The following SLCO5A1 variants were observed in gnomAD, a reference collection of about 807,000 sequenced individuals.
SLCO5A1 encodes the protein solute carrier organic anion transporter family member 5A1, also known as organic anion transporter polypeptide-related protein 4.
A neutral mutation model predicts 65.1 loss-of-function variants in SLCO5A1; 39 were observed. That is an observed-to-expected ratio of 0.60 (90% CI 0.46 to 0.78). SLCO5A1 has a LOEUF of 0.78. Among genes scored for constraint, SLCO5A1 ranks in the 30% least tolerant of loss-of-function variants. The probability of loss-of-function intolerance (pLI) is 0.00; values close to 1 mark genes in which losing one functional copy is unlikely to be tolerated. For synonymous variants in SLCO5A1, 438 were observed against 415.7 expected (o/e 1.05, Z -0.65); for missense variants, 1,029 against 1,069.4 (o/e 0.96, Z 0.53).
At chr8:69,762,024 C>G in intron 2 of SLCO5A1, 149 bp from the exon 3 acceptor site, 1 of 933,880 alleles carries the variant, frequency 1.1e-6, no homozygotes, top group Non-Finnish European at 1.6e-6. Context: ...GTGTCCATGT[C>G]TACATCTTGG....
chr8:69,801,304 C>T (rs1208209984), intron 2 of SLCO5A1, among the ~76,000 whole-genome samples: 2 of 152,206 alleles, frequency 1.3e-5, no homozygotes, highest in African/African-American at 2.4e-5. Context: ...TTGGATCCCT[C>T]CTATAGATAA....
rs575658148 is a variant in SLCO5A1, at chr8:69,800,796, C to T, written c.907+30971G>A. ...AGAACCCAGGCTGATGGCACCAGAA[C>T]GTTGCCACCCCTTTGACAGAGGAAA... On this transcript the variant is annotated intron_variant, in intron 2 of 9. Transcript: ENST00000260126. Among the ~76,000 whole-genome samples the T allele has an allele frequency of 3.8e-4, 58 of 152,316 alleles. 1 individual carries two copies. In the South Asian group the frequency reaches 0.012, roughly 32 times the overall value.
intron 2 of SLCO5A1, among the ~76,000 whole-genome samples, chr8:69,825,042 A>G (rs1226361932): frequency 3.9e-5 from 6 of 152,218 alleles, no homozygotes; most frequent in African/African-American, 1.4e-4. Flanking sequence ...GATTATCTCA[A>G]TAGATGCAGA....
At chr8:69,831,027 C>T (rs1369676682) in intron 2 of SLCO5A1, among the ~76,000 whole-genome samples, 1 of 152,174 alleles carries the variant, frequency 6.6e-6, no homozygotes, top group Non-Finnish European at 1.5e-5. Context: ...AATCCCAGCA[C>T]TTTGGGAGAC....
rs2045304461 is a variant in SLCO5A1 at position 69,832,835 on chromosome 8, G to C, written c.-162C>G. The stretch of plus-strand genomic sequence containing the variant: ...AGCAGGGCATCCTCACCAGCTGCGA[G>C]GCGCCCAGTGCATCCTGATCACAGA... On this transcript the variant is annotated 5_prime_UTR_variant, in exon 2 of 10. Transcript: ENST00000260126. This position sits in a 1 kb window ranked among gnomAD's most constrained non-coding sequence, Gnocchi z 4.5. The C allele has an allele frequency of 1.3e-6, 1 of 749,734 alleles. No individual in the cohort carries two copies. The allele number at this position is 749,734 out of a possible 1,614,324, so 46.4% of individuals were successfully genotyped here.
chr8:69,728,638 A>G (rs1156316969), intron 5 of SLCO5A1, among the ~76,000 whole-genome samples: 1 of 152,186 alleles, frequency 6.6e-6, no homozygotes, highest in Non-Finnish European at 1.5e-5. Context: ...TCTGTGCTAT[A>G]TGTCTTATGG....
At chr8:69,682,137 C>A in intron 7 of SLCO5A1, 47 bp downstream of exon 7, 1 of 1,556,312 alleles carries the variant, frequency 6.4e-7, no homozygotes, top group South Asian at 1.2e-5. Flanking sequence ...ACATCCTTGT[C>A]ACAGGATGTT....
rs983093228 is a variant in SLCO5A1 at position 69,673,149 on chromosome 8, G to A, written c.2267C>T (p.Ala756Val). 1.8e-5 allele frequency: 29 copies of A among 1,614,188 alleles called. No homozygotes were observed. The highest frequency in any genetic ancestry group is 2.4e-5 in the Non-Finnish European group (28 of 1,180,040). The change falls in exon 10 of 10, where the codon GCC (alanine) becomes GTC (valine). Residue 756 changes from alanine to valine, a missense_variant. Ala to Val is a moderately conservative substitution (Grantham distance 64). Transcript: ENST00000260126. ...KFVGFIFIFL[A>V]WYSIKYKEDG... ...CTCCTTGTATTTTATGGAGTACCAGGCCAGAAAAATAAAAATAAACCCAAC... is the reference window on the plus strand; with the variant it reads ...CTCCTTGTATTTTATGGAGTACCAGACCAGAAAAATAAAAATAAACCCAAC...
Position 69,707,320 on chromosome 8 carries a change from C to T in SLCO5A1, c.1424-2091G>A, listed in dbSNP as rs1395004089. 2.0e-5 allele frequency among the ~76,000 whole-genome samples: 3 copies of T among 152,136 alleles called. No homozygotes were observed. In the East Asian group the frequency reaches 5.8e-4, roughly 29 times the overall value. Reference sequence around the variant, plus strand: ...ATCTGGGAGGGTTTTACACAAGTGGCAGTATTTGAGGTGAATCTCAATAGA... The same window carrying T: ...ATCTGGGAGGGTTTTACACAAGTGGTAGTATTTGAGGTGAATCTCAATAGA... On this transcript the variant is annotated intron_variant, in intron 5 of 9. Transcript: ENST00000260126.
chr8:69,740,099 T>C (rs1816733447), intron 4 of SLCO5A1, among the ~76,000 whole-genome samples: 1 of 152,254 alleles, frequency 6.6e-6, no homozygotes, highest in Admixed American at 6.5e-5. Flanking sequence ...AAAACATGCA[T>C]GATGGTTCTC....
intron 2 of SLCO5A1, among the ~76,000 whole-genome samples, chr8:69,802,684 C>G (rs1463703355): frequency 6.6e-6 from 1 of 152,088 alleles, no homozygotes; most frequent in African/African-American, 2.4e-5. Flanking sequence ...CCTGCTGAGG[C>G]TCCAACACAC....
At chr8:69,703,086 G>C (rs562422872) in intron 6 of SLCO5A1, among the ~76,000 whole-genome samples, 1 of 149,522 alleles carries the variant, frequency 6.7e-6, no homozygotes, top group Non-Finnish European at 1.5e-5. Flanking sequence ...ACTCCAGCCT[G>C]GGGGACAGAG....
intron 2 of SLCO5A1, among the ~76,000 whole-genome samples, chr8:69,768,629 C>T (rs1029622046): frequency 2.0e-5 from 3 of 151,800 alleles, no homozygotes; most frequent in African/African-American, 7.3e-5. Flanking sequence ...GCGTCCTCAC[C>T]TGGCCTCTCT....
chr8:69,775,187 T>C, intron 2 of SLCO5A1, among the ~76,000 whole-genome samples: 1 of 152,226 alleles, frequency 6.6e-6, no homozygotes, highest in East Asian at 1.9e-4. Context: ...GAGAGCTTTC[T>C]CCTCGCTGCC....
rs28882773 is a variant in SLCO5A1, at chr8:69,796,933, T to C, written c.907+34834A>G. Reference sequence around the variant, plus strand: ...GACCTTTACTCTAGTTTCTAATAAGTTCCTTATCTCCATCTGAGACCTCAG... The same window carrying C: ...GACCTTTACTCTAGTTTCTAATAAGCTCCTTATCTCCATCTGAGACCTCAG... On this transcript the variant is annotated intron_variant, in intron 2 of 9. Coordinates refer to ENST00000260126, the MANE Select transcript of SLCO5A1 (RefSeq NM_030958.3). Among the ~76,000 whole-genome samples, 860 of 152,282 alleles carry C rather than the reference T, an allele frequency of 5.6e-3. 8 individuals carry two copies. Among genetic ancestry groups the C allele is most frequent in the African/African-American group, 0.02 (815 of 41,566 alleles).
chr8:69,799,196 G>A (rs537387042), intron 2 of SLCO5A1, among the ~76,000 whole-genome samples: 36 of 152,180 alleles, frequency 2.4e-4, no homozygotes, highest in South Asian at 8.3e-4. Context: ...CAAGTATTAC[G>A]TTATTGGAGG....
At chr8:69,765,471 G>A (rs1818022351) in intron 2 of SLCO5A1, among the ~76,000 whole-genome samples, 1 of 151,922 alleles carries the variant, frequency 6.6e-6, no homozygotes, top group Admixed American at 6.6e-5. Context: ...TAGTAAATAA[G>A]TCATTCTCTG....
intron 6 of SLCO5A1, among the ~76,000 whole-genome samples, chr8:69,695,819 A>G (rs976028198): frequency 6.6e-6 from 1 of 152,214 alleles, no homozygotes; most frequent in Non-Finnish European, 1.5e-5. Context: ...AGGGGATGGA[A>G]GAAAGAAGTT....
intron 2 of SLCO5A1, among the ~76,000 whole-genome samples, chr8:69,771,262 G>C (rs949226236): frequency 6.6e-6 from 1 of 152,150 alleles, no homozygotes; most frequent in Non-Finnish European, 1.5e-5. Context: ...GGGATTACAG[G>C]TGTGAACCAC....
Sources: gnomAD v4.1 joint callset for allele counts (sites outside exome capture counted in the v4.1 genomes callset) on GRCh38, gnomAD v4.1.1 for gene constraint, Gnocchi (gnomAD v3.1) non-coding constraint, MANE v1.5 for transcripts, NCBI Gene and HGNC (gene_info 2026-07-23, HGNC 2026-07-21) for gene names.